Variants in CACNB1 observed in about 807,000 individuals in gnomAD.
CACNB1 encodes the protein voltage-dependent L-type calcium channel subunit beta-1.
Under a neutral mutation model 71.6 loss-of-function variants are expected in CACNB1, and 29 were observed. The observed-to-expected ratio is 0.40, with a 90% CI of 0.30 to 0.55. CACNB1 has a LOEUF of 0.55. Ranked by LOEUF, CACNB1 falls within the 20% of genes least tolerant of loss-of-function variation. The probability of loss-of-function intolerance (pLI) is 0.38; values close to 1 mark genes in which losing one functional copy is unlikely to be tolerated. For missense variants in CACNB1, 623 were observed against 801.8 expected (o/e 0.78, Z 2.69); for synonymous variants, 300 against 319.6 (o/e 0.94, Z 0.65).
chr17:39,185,920 C>T (rs1316701609), intron 6 of CACNB1: 3 of 1,601,090 alleles, frequency 1.9e-6, no homozygotes, highest in Non-Finnish European at 2.6e-6. Context: ...CTGACTCCCC[C>T]ACCTCTTGCA....
intron 11 of CACNB1, among the ~76,000 whole-genome samples, chr17:39,179,072 T>C (rs1027200900): frequency 6.6e-6 from 1 of 151,816 alleles, no homozygotes; most frequent in Admixed American, 6.6e-5. Flanking sequence ...GGCGGGCAGA[T>C]CTTGAAGTCA....
Position 39,184,393 on chromosome 17 carries a change from G to T in CACNB1, c.730-10C>A. On this transcript the variant is annotated splice_polypyrimidine_tract_variant and intron_variant, in intron 8 of 13. Transcript: ENST00000394303. ...GCATCATGTCTGTAACCTGGGGGTG[G>T]GGGTTTGTGGGGAGGGAGGGAGGAG... 2 of 1,420,948 alleles carry T rather than the reference G, an allele frequency of 1.4e-6. No individual in the cohort carries two copies. Among genetic ancestry groups the T allele is most frequent in the South Asian group, 1.2e-5 (1 of 81,356 alleles). 88.0% of individuals were successfully genotyped at this position (1,420,948 alleles called of 1,614,324 possible). A position where few individuals can be genotyped will look rare whatever the true frequency, so the allele number is the denominator to read the frequency against.
Position 39,175,721 on chromosome 17 carries a change from G to GCAAGT in CACNB1, c.1333-65_1333-64insACTTG. ...GCAGGGGTGAGAAAAACACAACAAA[G>GCAAGT]CAAGGCAAGTTAGTGACAGCATTAA... On this transcript the variant is annotated intron_variant, in intron 13 of 13. Transcript: ENST00000394303. The surrounding 1 kb of genome is among the most constrained non-coding windows in gnomAD (Gnocchi z 4.7). 7.7e-7 allele frequency: 1 copy of GCAAGT among 1,298,032 alleles called. No homozygotes were observed. The highest frequency in any genetic ancestry group is 1.1e-6 in the Non-Finnish European group (1 of 939,626). 80.4% of individuals were successfully genotyped at this position (1,298,032 alleles called of 1,614,324 possible).
At chr17:39,177,898 C>T in intron 12 of CACNB1, 86 bp downstream of exon 12, 1 of 1,067,178 alleles carries the variant, frequency 9.4e-7, no homozygotes, top group Non-Finnish European at 1.5e-6. Flanking sequence ...TGTTCCTGGT[C>T]ACCCTGTCTC....
chr17:39,194,758 G>C lies in CACNB1; in HGVS notation c.171+126C>G. 1 of 645,318 alleles carries C rather than the reference G, an allele frequency of 1.5e-6. No homozygotes were observed. Among genetic ancestry groups the C allele is most frequent in the African/African-American group, 1.8e-5 (1 of 54,590 alleles). 40.0% of individuals were successfully genotyped at this position (645,318 alleles called of 1,614,324 possible). On this transcript the variant is annotated intron_variant, in intron 2 of 13. Transcript: ENST00000394303. The surrounding 1 kb of genome is among the most constrained non-coding windows in gnomAD (Gnocchi z 4.6). ...AGGTCATGGGGTGTCAGGGTGATGGGGTGGCTCCAGGCAGGTGACAAATGG... is the reference window on the plus strand; with the variant it reads ...AGGTCATGGGGTGTCAGGGTGATGGCGTGGCTCCAGGCAGGTGACAAATGG...
intron 1 of CACNB1, among the ~76,000 whole-genome samples, chr17:39,196,050 G>C (rs983217622): frequency 2.0e-5 from 3 of 152,160 alleles, no homozygotes; most frequent in Admixed American, 1.3e-4. Flanking sequence ...GTTCAGAATG[G>C]GGAGAGTGAG....
Position 39,182,876 on chromosome 17 carries a change from A to T in CACNB1, c.1050+837T>A, listed in dbSNP as rs749220783. ...TAATTCCCCCAAGATTCCAAGTTCA[A>T]TAAAAAACAACCAACAATAAGAATA... On this transcript the variant is annotated intron_variant, in intron 11 of 13. Coordinates refer to ENST00000394303, the MANE Select transcript of CACNB1 (RefSeq NM_000723.5). 45 of 804,260 alleles carry T rather than the reference A, an allele frequency of 5.6e-5. No individual in the cohort carries two copies. The Middle Eastern group carries it at 2.6e-3, about 46-fold the overall frequency. The allele number at this position is 804,260 out of a possible 1,614,324, so 49.8% of individuals were successfully genotyped here.
chr17:39,178,317 AG>A (rs1364182701), intron 11 of CACNB1: 1 of 380,852 alleles, frequency 2.6e-6, no homozygotes, highest in African/African-American at 2.1e-5. Context: ...GGCTATATGA[AG>A]GGCAGTGATT....
chr17:39,190,677 C>T (rs1398807116), intron 3 of CACNB1, among the ~76,000 whole-genome samples: 1 of 151,728 alleles, frequency 6.6e-6, no homozygotes, highest in Non-Finnish European at 1.5e-5. Context: ...ATCCGCCCAA[C>T]CGGGCCTCCC....
In CACNB1 at chr17:39,184,860, T is replaced by C; in HGVS notation, c.653A>G (p.Glu218Gly). ...CACCACGTCATAGGGGGGCACATGC[T>C]CTGTCTGGGGGGGGAAGCAGGGAGG... ...ASAKQKQKST[E>G]HVPPYDVVPS... is the part of the protein sequence containing the mutation. Residue 218 changes from glutamate to glycine, a missense_variant, in exon 8 of 14, where the codon GAG (glutamate) becomes GGG (glycine). Transcript: ENST00000394303. 1.9e-5 allele frequency: 19 copies of C among 974,910 alleles called. No homozygotes were observed. Among genetic ancestry groups the C allele is most frequent in the Middle Eastern group, 2.1e-4 (1 of 4,698 alleles). The allele number at this position is 974,910 out of a possible 1,614,324, so 60.4% of individuals were successfully genotyped here. A position where few individuals can be genotyped will look rare whatever the true frequency, so the allele number is the denominator to read the frequency against.
chr17:39,195,434 C>A (rs537680147), intron 1 of CACNB1, among the ~76,000 whole-genome samples: 3 of 152,260 alleles, frequency 2.0e-5, no homozygotes, highest in African/African-American at 7.2e-5. Flanking sequence ...GTGTTGGTGG[C>A]CCCCAGAGAG....
chr17:39,179,197 G>A (rs558104455), intron 11 of CACNB1, among the ~76,000 whole-genome samples: 2 of 150,570 alleles, frequency 1.3e-5, no homozygotes, highest in South Asian at 4.2e-4. Flanking sequence ...GGAGGCTGGG[G>A]CAGAAGAATG....
chr17:39,186,201 G>A lies in CACNB1; in HGVS notation c.628+295C>T. The A allele has an allele frequency of 9.6e-7, 1 of 1,037,484 alleles. No individual in the cohort carries two copies. The highest frequency in any genetic ancestry group is 1.5e-5 in the South Asian group (1 of 68,438). The allele number at this position is 1,037,484 out of a possible 1,614,324, so 64.3% of individuals were successfully genotyped here. A position where few individuals can be genotyped will look rare whatever the true frequency, so the allele number is the denominator to read the frequency against. On this transcript the variant is annotated intron_variant, in intron 6 of 13. Transcript: ENST00000394303. The surrounding 1 kb of genome is among the most constrained non-coding windows in gnomAD (Gnocchi z 4.1). ...CACAAGTACAGAACGCAGGGATGGG[G>A]ATGGGGAAAAAAGAAAGAAGAAGAG...
intron 11 of CACNB1, among the ~76,000 whole-genome samples, chr17:39,179,188 G>A (rs1296939382): frequency 6.6e-6 from 1 of 150,822 alleles, no homozygotes; most frequent in Non-Finnish European, 1.5e-5. Context: ...AGCTACTCAG[G>A]AGGCTGGGGC....
intron 2 of CACNB1, chr17:39,193,368 C>A: frequency 2.6e-6 from 1 of 390,850 alleles, no homozygotes; most frequent in South Asian, 1.8e-5. Flanking sequence ...CATGGAGACA[C>A]GCTGGAGTAA....
chr17:39,181,712 A>G (rs1021998590), intron 11 of CACNB1, among the ~76,000 whole-genome samples: 2 of 152,200 alleles, frequency 1.3e-5, no homozygotes, highest in Non-Finnish European at 2.9e-5. Flanking sequence ...CATTAGAAAC[A>G]GAGGACTCAG....
chr17:39,180,403 C>CGAT (rs1389661888), intron 11 of CACNB1, among the ~76,000 whole-genome samples: 3 of 151,970 alleles, frequency 2.0e-5, no homozygotes, highest in East Asian at 3.9e-4. Context: ...GCCTATAATC[C>CGAT]CAGCACTTTG....
At chr17:39,180,800 A>G (rs2045736937) in intron 11 of CACNB1, among the ~76,000 whole-genome samples, 1 of 152,010 alleles carries the variant, frequency 6.6e-6, no homozygotes, top group Non-Finnish European at 1.5e-5. Flanking sequence ...CTGGTCTCCA[A>G]CTCCTGAGCT....
intron 1 of CACNB1, 180 bp from the exon 2 acceptor site, chr17:39,195,150 C>A (rs2240083): frequency 8.9e-6 from 5 of 562,764 alleles, no homozygotes; most frequent in South Asian, 2.2e-5. Context: ...CCCATCCTCA[C>A]GGAGAGGGCC....
Sources: allele counts gnomAD v4.1 joint callset (sites outside exome capture counted in the v4.1 genomes callset), GRCh38; gene constraint gnomAD v4.1.1; non-coding constraint Gnocchi (gnomAD v3.1); transcripts MANE v1.5; gene names NCBI Gene and HGNC (gene_info 2026-07-23, HGNC 2026-07-21).